Variants in CNTNAP2 observed in about 807,000 individuals in gnomAD.
CNTNAP2 encodes contactin associated protein 2, also known as contactin-associated protein-like 2.
CNTNAP2 carries 98 observed loss-of-function variants against 155.2 expected under a neutral mutation model. The ratio of observed to expected loss-of-function variants is 0.63; its 90% CI spans 0.54 to 0.75. CNTNAP2 has a LOEUF of 0.75. Ranked by LOEUF, CNTNAP2 falls within the 30% of genes least tolerant of loss-of-function variation. The pLI is 0.00. For synonymous variants in CNTNAP2, 651 were observed against 631.2 expected (o/e 1.03, Z -0.47); for missense variants, 1,727 against 1,688.1 (o/e 1.02, Z -0.40).
rs778901819 is a variant in CNTNAP2, at chr7:148,415,419, G to A, written c.3799G>A (p.Val1267Ile). The part of the protein sequence containing the change: ...VNRNSAIIGG[V>I]IAVVIFTILC... ...CGTGCTTCTCCTTTCTCCGTCAGGC[G>A]TCATTGCTGTGGTGATTTTCACCAT... Residue 1267 changes from valine to isoleucine, a missense_variant and splice_region_variant, in exon 24 of 24, where the codon GTC becomes ATC. Transcript: ENST00000361727. 6.8e-6 allele frequency: 11 copies of A among 1,613,398 alleles called. No individual in the cohort carries two copies. Among genetic ancestry groups the A allele is most frequent in the Admixed American group, 1.7e-5 (1 of 60,010 alleles).
At chr7:146,486,253 A>G (rs1469819590) in intron 1 of CNTNAP2, among the ~76,000 whole-genome samples, 1 of 151,494 alleles carries the variant, frequency 6.6e-6, no homozygotes, top group East Asian at 2.0e-4. Context: ...TTTAGTAGAG[A>G]CGGGGTTTCA....
chr7:147,206,953 C>T (rs1329336937), intron 8 of CNTNAP2, among the ~76,000 whole-genome samples: 1 of 152,164 alleles, frequency 6.6e-6, no homozygotes, highest in Non-Finnish European at 1.5e-5. Flanking sequence ...ACGGAAATTA[C>T]TGCTCATTTC....
intron 12 of CNTNAP2, among the ~76,000 whole-genome samples, chr7:147,601,674 T>TATAC (rs1563016619): frequency 3.5e-5 from 5 of 141,348 alleles, no homozygotes; most frequent in African/African-American, 1.3e-4. Context: ...TATATATATA[T>TATAC]ACACACCATC....
intron 4 of CNTNAP2, among the ~76,000 whole-genome samples, chr7:147,072,902 G>C (rs181192764): frequency 4.1e-4 from 56 of 136,972 alleles, no homozygotes; most frequent in Non-Finnish European, 7.4e-4. Context: ...GCCCAGGCTG[G>C]AGTGCAGTGG....
At chr7:148,062,544 A>C (rs1030151984) in intron 15 of CNTNAP2, among the ~76,000 whole-genome samples, 1 of 152,178 alleles carries the variant, frequency 6.6e-6, no homozygotes, top group Admixed American at 6.5e-5. Context: ...CTTGATTGAC[A>C]TAAAGTCTAA....
Position 146,869,255 on chromosome 7 carries a change from A to G in CNTNAP2, c.402+29351A>G, listed in dbSNP as rs564204076. ...TGTTAAATTTTATTGAAAGCCTTTT[A>G]TGCAATAATTTAGATAATCATGTGT... On this transcript the variant is annotated intron_variant, in intron 3 of 23. Coordinates refer to ENST00000361727, the MANE Select transcript of CNTNAP2 (RefSeq NM_014141.6). 4.6e-4 allele frequency among the ~76,000 whole-genome samples: 70 copies of G among 152,260 alleles called. 2 individuals carry two copies. The highest frequency in any genetic ancestry group is 3.4e-3 in the Middle Eastern group (1 of 294).
intron 1 of CNTNAP2, among the ~76,000 whole-genome samples, chr7:146,708,587 G>GTTTTTTTTTTT (rs1377602688): frequency 1.5e-5 from 1 of 67,394 alleles, no homozygotes; most frequent in Admixed American, 1.4e-4. Flanking sequence ...AAAAAAAAGT[G>GTTTTTTTTTTT]ATTTTTTTTT....
intron 1 of CNTNAP2, among the ~76,000 whole-genome samples, chr7:146,466,694 A>G (rs188321884): frequency 8.1e-4 from 124 of 152,320 alleles, no homozygotes; most frequent in Admixed American, 4.4e-3. Context: ...AGCGTAATAA[A>G]TGACTGAAAT....
intron 10 of CNTNAP2, among the ~76,000 whole-genome samples, chr7:147,413,007 C>G (rs1797129685): frequency 6.6e-6 from 1 of 152,202 alleles, no homozygotes; most frequent in African/African-American, 2.4e-5. Flanking sequence ...CACATTTTGC[C>G]TGTTAGAATG....
At position 146,370,066 on chromosome 7, in the gene CNTNAP2, A is replaced by T. The variant is rs78827062; in HGVS notation, c.97+253093A>T. Among the ~76,000 whole-genome samples the T allele has an allele frequency of 8.7e-3, 1,318 of 151,652 alleles. 7 individuals are homozygous for T. The highest frequency in any genetic ancestry group is 0.013 in the Non-Finnish European group (900 of 67,922). ...TTTACTTTGATTTTGTTTTGTTCTT[A>T]TTGTTGTTTTTCTTCCAGATTTGTT... On this transcript the variant is annotated intron_variant, in intron 1 of 23. Coordinates refer to ENST00000361727, the MANE Select transcript of CNTNAP2 (RefSeq NM_014141.6).
chr7:147,319,550 G>A (rs891823542), intron 9 of CNTNAP2, among the ~76,000 whole-genome samples: 28 of 152,042 alleles, frequency 1.8e-4, no homozygotes, highest in African/African-American at 6.3e-4. Context: ...GTTAATTTTT[G>A]TAATTTTAGT....
intron 1 of CNTNAP2, among the ~76,000 whole-genome samples, chr7:146,118,532 C>T (rs1371226940): frequency 6.6e-6 from 1 of 152,012 alleles, no homozygotes; most frequent in East Asian, 1.9e-4. Flanking sequence ...AAAATAAACT[C>T]CTCATATATT....
intron 4 of CNTNAP2, among the ~76,000 whole-genome samples, chr7:147,064,642 C>T (rs1214744322): frequency 1.3e-5 from 2 of 152,060 alleles, no homozygotes; most frequent in African/African-American, 2.4e-5. Flanking sequence ...GTGTATTTTT[C>T]TGTAAGTAGT....
chr7:147,404,117 C>CT (rs1165587134), intron 10 of CNTNAP2, among the ~76,000 whole-genome samples: 1 of 152,166 alleles, frequency 6.6e-6, no homozygotes, highest in Non-Finnish European at 1.5e-5. Flanking sequence ...AAATACCTTA[C>CT]TTTCATTCAT....
Position 147,199,597 on chromosome 7 carries a change from G to GT in CNTNAP2, c.1348+67099dup, listed in dbSNP as rs759844308. Among the ~76,000 whole-genome samples, 1,251 of 144,378 alleles carry GT rather than the reference G, an allele frequency of 8.7e-3. 18 individuals carry two copies. Among genetic ancestry groups the GT allele is most frequent in the Admixed American group, 0.041 (598 of 14,482 alleles). The allele number at this position is 144,378 out of a possible 152,430, so 94.7% of individuals were successfully genotyped here. A position where few individuals can be genotyped will look rare whatever the true frequency, so the allele number is the denominator to read the frequency against. On this transcript the variant is annotated intron_variant, in intron 8 of 23. Coordinates refer to ENST00000361727, the MANE Select transcript of CNTNAP2 (RefSeq NM_014141.6). ...TCTAAGTTTTGATTGAATAGAATGG[G>GT]TTTTTTTTTTTCAAGATCAAGTCTT...
chr7:148,154,085 G>C (rs923528193), intron 17 of CNTNAP2, among the ~76,000 whole-genome samples: 1 of 152,226 alleles, frequency 6.6e-6, no homozygotes, highest in African/African-American at 2.4e-5. Flanking sequence ...GGCCTCTTCT[G>C]ATATCTCTCT....
chr7:148,172,146 G>A, intron 17 of CNTNAP2, 96 bp from the exon 18 acceptor site: 1 of 1,160,054 alleles, frequency 8.6e-7, no homozygotes. Context: ...GATGTGCTAT[G>A]CAGTGTCATC....
intron 12 of CNTNAP2, among the ~76,000 whole-genome samples, chr7:147,576,228 G>A (rs543277237): frequency 2.0e-5 from 3 of 152,044 alleles, no homozygotes; most frequent in Non-Finnish European, 4.4e-5. Flanking sequence ...CACTACTACT[G>A]CTGTGAATAG....
chr7:146,447,077 C>T (rs1184138114), intron 1 of CNTNAP2, among the ~76,000 whole-genome samples: 2 of 151,966 alleles, frequency 1.3e-5, no homozygotes, highest in Non-Finnish European at 2.9e-5. Flanking sequence ...CACTGGTCAG[C>T]TTGCCTAAGA....
Sources: gnomAD v4.1 joint callset for allele counts (sites outside exome capture counted in the v4.1 genomes callset) on GRCh38, gnomAD v4.1.1 for gene constraint, MANE v1.5 for transcripts, NCBI Gene and HGNC (gene_info 2026-07-23, HGNC 2026-07-21) for gene names.